VKORC1L1: variants seen among roughly 807,000 people sequenced by gnomAD.
The protein encoded by VKORC1L1 is vitamin K epoxide reductase complex subunit 1L1, also known as vitamin K epoxide reductase complex subunit 1-like protein 1.
In VKORC1L1, 2 loss-of-function variants were observed where a neutral mutation model predicts 18.9. That is an observed-to-expected ratio of 0.11 (90% CI 0.04 to 0.33). The LOEUF is 0.33. Ranked by LOEUF, VKORC1L1 falls within the 10% of genes least tolerant of loss-of-function variation. The pLI is 1.00. For synonymous variants in VKORC1L1, 96 were observed against 100.0 expected (o/e 0.96, Z 0.24); for missense variants, 123 against 224.1 (o/e 0.55, Z 2.88).
chr7:65,867,419 A>C, the VKORC1L1 span, among the ~76,000 whole-genome samples: 2 of 152,164 alleles, frequency 1.3e-5, no homozygotes, highest in African/African-American at 4.8e-5. Flanking sequence ...TTATTGCATA[A>C]TATATAACCC....
intron 1 of VKORC1L1, among the ~76,000 whole-genome samples, chr7:65,941,811 G>A (rs1790039250): frequency 6.6e-6 from 1 of 151,650 alleles, no homozygotes; most frequent in African/African-American, 2.4e-5. Flanking sequence ...AAGTAGCTGG[G>A]ACTATAAGGC....
chr7:65,885,370 T>C (rs1193574959), intron 1 of VKORC1L1, among the ~76,000 whole-genome samples: 1 of 152,196 alleles, frequency 6.6e-6, no homozygotes, highest in African/African-American at 2.4e-5. Context: ...ATGATGTCTT[T>C]ACATAGAAGT....
intron 1 of VKORC1L1, among the ~76,000 whole-genome samples, chr7:65,940,354 C>T (rs576445680): frequency 6.6e-6 from 1 of 152,228 alleles, no homozygotes; most frequent in South Asian, 2.1e-4. Flanking sequence ...CATACCCAAA[C>T]AATCAATCAA....
At chr7:65,881,213 A>G (rs184651005) in intron 1 of VKORC1L1, among the ~76,000 whole-genome samples, 3 of 152,330 alleles carry the variant, frequency 2.0e-5, no homozygotes, top group East Asian at 1.9e-4. Context: ...TTCTCTGTCA[A>G]TGAAACAGGG....
Position 65,875,753 on chromosome 7 carries a change from C to A in VKORC1L1, c.194+2188C>A, listed in dbSNP as rs538006310. 4.6e-5 allele frequency among the ~76,000 whole-genome samples: 7 copies of A among 152,212 alleles called. No individual in the cohort carries two copies. In the South Asian group the frequency reaches 1.2e-3, roughly 27 times the overall value. On this transcript the variant is annotated intron_variant, in intron 1 of 2. Transcript: ENST00000360768. ...TTAAATGAAAGCTGATTATTGGACACCTCAAGTTAGTTTTTTTTGAGTGGT... is the reference window on the plus strand; with the variant it reads ...TTAAATGAAAGCTGATTATTGGACAACTCAAGTTAGTTTTTTTTGAGTGGT...
chr7:65,932,942 A>G (rs557851321), intron 1 of VKORC1L1, among the ~76,000 whole-genome samples: 2 of 152,054 alleles, frequency 1.3e-5, no homozygotes, highest in East Asian at 3.9e-4. Flanking sequence ...GCCAGGCACA[A>G]TGGCAGGTGC....
At chr7:65,876,914 C>A (rs925431455) in intron 1 of VKORC1L1, among the ~76,000 whole-genome samples, 1 of 152,132 alleles carries the variant, frequency 6.6e-6, no homozygotes, top group Non-Finnish European at 1.5e-5. Context: ...GGCATGGTGG[C>A]GCATGCCTGT....
upstream of VKORC1L1, among the ~76,000 whole-genome samples, chr7:65,871,194 CT>C (rs1304899721): frequency 1.3e-5 from 2 of 151,288 alleles, no homozygotes; most frequent in African/African-American, 4.9e-5. Flanking sequence ...TTCTTTCTTT[CT>C]TTTTTTTCTT....
At chr7:65,884,960 G>A (rs1427542590) in intron 1 of VKORC1L1, among the ~76,000 whole-genome samples, 30 of 152,008 alleles carry the variant, frequency 2.0e-4, no homozygotes, top group Admixed American at 2.0e-3. Context: ...TGATTTAGAC[G>A]AATGCTAGTA....
chr7:65,892,691 A>G (rs551700725), intron 1 of VKORC1L1, among the ~76,000 whole-genome samples: 1 of 152,250 alleles, frequency 6.6e-6, no homozygotes, highest in African/African-American at 2.4e-5. Context: ...GTTATTCTAG[A>G]TGACATGAAG....
chr7:65,931,276 C>T (rs1483831920), intron 1 of VKORC1L1, among the ~76,000 whole-genome samples: 1 of 151,918 alleles, frequency 6.6e-6, no homozygotes, highest in African/African-American at 2.4e-5. Flanking sequence ...AGTGTTCCCT[C>T]CTCTTCTGTT....
intron 2 of VKORC1L1, among the ~76,000 whole-genome samples, chr7:65,952,296 A>T (rs552862429): frequency 6.6e-6 from 1 of 152,356 alleles, no homozygotes; most frequent in Admixed American, 6.5e-5. Flanking sequence ...GCAGCCACTC[A>T]ACTCTTCTAG....
intron 1 of VKORC1L1, among the ~76,000 whole-genome samples, chr7:65,897,677 A>G (rs1789237961): frequency 6.7e-6 from 1 of 150,132 alleles, no homozygotes. Flanking sequence ...ACATGAGGGG[A>G]TTTTGGAGGC....
At chr7:65,877,410 T>C (rs1788847805) in intron 1 of VKORC1L1, among the ~76,000 whole-genome samples, 1 of 151,904 alleles carries the variant, frequency 6.6e-6, no homozygotes, top group Non-Finnish European at 1.5e-5. Context: ...TGCAGTGGCA[T>C]GATCTCAGCT....
intron 1 of VKORC1L1, among the ~76,000 whole-genome samples, chr7:65,938,883 C>T (rs1789989953): frequency 6.6e-6 from 1 of 152,146 alleles, no homozygotes; most frequent in African/African-American, 2.4e-5. Flanking sequence ...GACCCAGACT[C>T]CAAGCACTCC....
intron 1 of VKORC1L1, among the ~76,000 whole-genome samples, chr7:65,942,038 G>C (rs1790043331): frequency 6.6e-6 from 1 of 152,074 alleles, no homozygotes; most frequent in South Asian, 2.1e-4. Context: ...TCATACACCT[G>C]TACTTTATGA....
At chr7:65,888,252 T>C (rs1364072091) in intron 1 of VKORC1L1, among the ~76,000 whole-genome samples, 1 of 152,206 alleles carries the variant, frequency 6.6e-6, no homozygotes, top group Non-Finnish European at 1.5e-5. Context: ...GAAATACTTA[T>C]ATTAAATATT....
chr7:65,931,193 T>C (rs935381686), intron 1 of VKORC1L1, among the ~76,000 whole-genome samples: 2 of 152,046 alleles, frequency 1.3e-5, no homozygotes, highest in African/African-American at 2.4e-5. Flanking sequence ...GTTTTTTTTT[T>C]CCTTTTTTTC....
At chr7:65,873,601 A>G in intron 1 of VKORC1L1, 36 bp downstream of exon 1, 1 of 1,376,396 alleles carries the variant, frequency 7.3e-7, no homozygotes, top group Non-Finnish European at 9.5e-7. Context: ...GGAGCGGCCG[A>G]GCGGGGCGAG....
Sources: gnomAD v4.1 joint callset for allele counts (sites outside exome capture counted in the v4.1 genomes callset) on GRCh38, gnomAD v4.1.1 for gene constraint, MANE v1.5 for transcripts, NCBI Gene and HGNC (gene_info 2026-07-23, HGNC 2026-07-21) for gene names.